VPS26C: variants seen among roughly 807,000 people sequenced by gnomAD.
VPS26C encodes vacuolar protein sorting-associated protein 26C.
Under a neutral mutation model 30.6 loss-of-function variants are expected in VPS26C, and 19 were observed. The ratio of observed to expected loss-of-function variants is 0.62; its 90% confidence interval spans 0.43 to 0.91. The LOEUF is 0.91. VPS26C is among the 40% of genes least tolerant of loss of function. VPS26C has a pLI of 0.00. For missense variants in VPS26C, 318 were observed against 385.1 expected, an observed-to-expected ratio of 0.83 and a Z score of 1.46; for synonymous variants, 132 against 151.5, an observed-to-expected ratio of 0.87 and a Z score of 0.95.
chr21:37,241,567 C>T (rs1386618016), intron 1 of VPS26C, among the ~76,000 whole-genome samples: 1 of 152,126 alleles, frequency 6.6e-6, no homozygotes, highest in Non-Finnish European at 1.5e-5. Flanking sequence ...CCTGCAGTCC[C>T]AGCACTTTCA....
In VPS26C at chr21:37,232,377, C is replaced by T; in HGVS notation, c.507G>A (p.Glu169=). ...CATTCGCCTGTGCAGGACGTCTTACCTCTTTGACGTTCTGTAAGGTTTCAG... is the reference window on the plus strand; with the variant it reads ...CATTCGCCTGTGCAGGACGTCTTACTTCTTTGACGTTCTGTAAGGTTTCAG... ...ITPETLQNVK[E]RALLPKFLLR... Residue 169 remains glutamate, a splice_region_variant and synonymous_variant, in exon 5 of 8, where the codon GAG becomes GAA. Coordinates refer to ENST00000309117, the MANE Select transcript of VPS26C (RefSeq NM_006052.2). 1 of 1,613,936 alleles carries T rather than the reference C, an allele frequency of 6.2e-7. No homozygotes were observed. Among genetic ancestry groups the T allele is most frequent in the Non-Finnish European group, 8.5e-7 (1 of 1,179,846 alleles).
chr21:37,228,533 C>A, intron 5 of VPS26C, 160 bp from the exon 6 acceptor site: 2 of 686,668 alleles, frequency 2.9e-6, no homozygotes, highest in Non-Finnish European at 4.8e-6. Flanking sequence ...GTACTGACGT[C>A]TTGGACATTA....
intron 3 of VPS26C, among the ~76,000 whole-genome samples, chr21:37,237,153 T>C (rs1463624534): frequency 6.6e-6 from 1 of 152,212 alleles, no homozygotes; most frequent in Non-Finnish European, 1.5e-5. Context: ...GTTTCCAATT[T>C]GACTTTAAAC....
intron 2 of VPS26C, among the ~76,000 whole-genome samples, chr21:37,240,135 T>C (rs910268454): frequency 2.0e-5 from 3 of 152,156 alleles, no homozygotes; most frequent in Admixed American, 2.0e-4. Flanking sequence ...ATGTCTTTTT[T>C]TAAGAGACAT....
intron 1 of VPS26C, among the ~76,000 whole-genome samples, chr21:37,266,218 G>T (rs910451676): frequency 2.0e-5 from 3 of 152,086 alleles, no homozygotes; most frequent in African/African-American, 7.2e-5. Flanking sequence ...GCGCGGGCCA[G>T]ATTTTTCCCT....
rs2085869471 is a variant in VPS26C at position 37,223,534 on chromosome 21, AT to A, written c.*2009del. 1.3e-5 allele frequency: 2 copies of A among 152,248 alleles called. 1 individual carries two copies. Among genetic ancestry groups the A allele is most frequent in the South Asian group, 4.1e-4 (2 of 4,836 alleles). 9.4% of individuals were successfully genotyped at this position (152,248 alleles called of 1,614,324 possible). On this transcript the variant is annotated 3_prime_UTR_variant, in exon 8 of 8. Coordinates refer to ENST00000309117, the MANE Select transcript of VPS26C (RefSeq NM_006052.2). ...GTTAAATATTTTCATCTCATTAAAA[AT>A]GGTTTCTTCCTTTAAAATTTCCCAG...
intron 1 of VPS26C, among the ~76,000 whole-genome samples, chr21:37,251,745 G>A (rs935225591): frequency 1.3e-5 from 2 of 151,944 alleles, no homozygotes; most frequent in African/African-American, 4.8e-5. Context: ...TCCCAGAGTG[G>A]GTAGCCTTTA....
rs1260425698 is a variant in VPS26C at position 37,233,730 on chromosome 21, AGCAGGGAGCAG to A, written c.352-299_352-289del. On this transcript the variant is annotated intron_variant, in intron 3 of 7. Transcript: ENST00000309117. The surrounding 1 kb of genome is among the most constrained non-coding windows in gnomAD (Gnocchi z 5.2). ...CAAACAGGTGCACGGTCCCACCTGT[AGCAGGGAGCAG>A]GCTGGCGAGACAGAAAGGGCAGTGC... is the stretch of plus-strand genomic sequence containing the variant. Among the ~76,000 whole-genome samples, 1 of 152,218 alleles carries A rather than the reference AGCAGGGAGCAG, an allele frequency of 6.6e-6. No individual in the cohort carries two copies. Among genetic ancestry groups the A allele is most frequent in the African/African-American group, 2.4e-5 (1 of 41,458 alleles).
At chr21:37,267,684 G>A, upstream of VPS26C, 1 of 285,952 alleles carries the variant, frequency 3.5e-6, no homozygotes, top group Admixed American at 5.0e-5. Context: ...GCGGAGCCGA[G>A]CCTGTCTGTC....
chr21:37,228,387 A>G lies in VPS26C; in HGVS notation c.508-14T>C. ...AAGCAAAGCTCTCTAAAACAAAATG[A>G]AAACAAATACATCAGAATGCAGGCA... On this transcript the variant is annotated splice_polypyrimidine_tract_variant and intron_variant, in intron 5 of 7. Coordinates refer to ENST00000309117, the MANE Select transcript of VPS26C (RefSeq NM_006052.2). The G allele has an allele frequency of 5.0e-6, 8 of 1,613,646 alleles. No individual in the cohort carries two copies. The highest frequency in any genetic ancestry group is 6.8e-6 in the Non-Finnish European group (8 of 1,179,810).
intron 1 of VPS26C, among the ~76,000 whole-genome samples, chr21:37,258,563 C>G (rs1324491594): frequency 6.6e-6 from 1 of 151,998 alleles, no homozygotes; most frequent in Non-Finnish European, 1.5e-5. Context: ...CTTTTTTCTT[C>G]CTTTGTTAAC....
intron 4 of VPS26C, among the ~76,000 whole-genome samples, chr21:37,232,855 G>C (rs1313577840): frequency 1.3e-5 from 2 of 152,206 alleles, no homozygotes; most frequent in Admixed American, 6.5e-5. Context: ...GGCCTGCTCA[G>C]CTCAGTGGTG....
intron 1 of VPS26C, among the ~76,000 whole-genome samples, chr21:37,241,876 T>C (rs2086091351): frequency 1.3e-5 from 2 of 152,322 alleles, no homozygotes; most frequent in South Asian, 4.1e-4. Context: ...TTAAAAAACA[T>C]CTGTCCTACT....
chr21:37,265,625 G>A (rs1256067915), intron 1 of VPS26C, among the ~76,000 whole-genome samples: 1 of 151,960 alleles, frequency 6.6e-6, no homozygotes, highest in Non-Finnish European at 1.5e-5. Flanking sequence ...AAATTATCTC[G>A]CCTTTATTTT....
chr21:37,237,541 T>C (rs921593545), intron 3 of VPS26C: 1 of 152,226 alleles, frequency 6.6e-6, no homozygotes, highest in Non-Finnish European at 1.5e-5. Context: ...CACTGCTGCT[T>C]CCTTGGGGCT....
At chr21:37,265,160 G>T (rs1238673117) in intron 1 of VPS26C, among the ~76,000 whole-genome samples, 1 of 152,206 alleles carries the variant, frequency 6.6e-6, no homozygotes, top group Non-Finnish European at 1.5e-5. Flanking sequence ...CAGCTAATGG[G>T]TTCAGGGTTT....
chr21:37,262,220 C>T (rs1172547927), intron 1 of VPS26C, among the ~76,000 whole-genome samples: 1 of 152,178 alleles, frequency 6.6e-6, no homozygotes, highest in Non-Finnish European at 1.5e-5. Context: ...GTCTAAAGGA[C>T]TCAGGTTGCG....
At chr21:37,248,715 A>G (rs1415697578) in intron 1 of VPS26C, among the ~76,000 whole-genome samples, 2 of 126,486 alleles carry the variant, frequency 1.6e-5, no homozygotes, top group East Asian at 4.2e-4. Context: ...AACGAACTTA[A>G]AAAAAAAAAA....
chr21:37,245,873 G>C (rs1414468427), intron 1 of VPS26C, among the ~76,000 whole-genome samples: 1 of 151,962 alleles, frequency 6.6e-6, no homozygotes, highest in East Asian at 1.9e-4. Flanking sequence ...AAAAGGAAGA[G>C]ATAAAAATAT....
Sources: allele counts gnomAD v4.1 joint callset (sites outside exome capture counted in the v4.1 genomes callset), GRCh38; gene constraint gnomAD v4.1.1; non-coding constraint Gnocchi (gnomAD v3.1); transcripts MANE v1.5; gene names NCBI Gene and HGNC (gene_info 2026-07-23, HGNC 2026-07-21).